The following RBFOX2 variants were observed in gnomAD, a reference collection of about 807,000 sequenced individuals.
RBFOX2 encodes the protein RNA binding fox-1 homolog 2, also known as RNA binding protein fox-1 homolog 2.
Under a neutral mutation model 49.1 loss-of-function variants are expected in RBFOX2, and 10 were observed. The observed-to-expected ratio is 0.20, with a 90% confidence interval of 0.13 to 0.35. The LOEUF is 0.35. Among genes scored for constraint, RBFOX2 ranks in the 10% least tolerant of loss-of-function variants. RBFOX2 has a pLI of 1.00. For synonymous variants in RBFOX2, 183 were observed against 187.4 expected, an observed-to-expected ratio of 0.98 and a Z score of 0.19; for missense variants, 323 against 486.9, an observed-to-expected ratio of 0.66 and a Z score of 3.17.
At chr22:35,854,391 C>T (rs1305717232) in intron 1 of RBFOX2, among the ~76,000 whole-genome samples, 2 of 151,938 alleles carry the variant, frequency 1.3e-5, no homozygotes, top group Non-Finnish European at 2.9e-5. Flanking sequence ...TTGAGACCAG[C>T]CTGGTCAACA....
intron 1 of RBFOX2, among the ~76,000 whole-genome samples, chr22:35,852,486 TAAAAAAAA>T (rs576605291): frequency 1.6e-5 from 2 of 128,982 alleles, no homozygotes; most frequent in Non-Finnish European, 3.4e-5. Flanking sequence ...CCTTTCTTTT[TAAAAAAAA>T]AAAAAAAAAA....
chr22:35,746,115 G>A, intron 10 of RBFOX2, 120 bp from the exon 13 acceptor site: 1 of 833,068 alleles, frequency 1.2e-6, no homozygotes, highest in South Asian at 1.8e-5. Flanking sequence ...TAAGGAAACT[G>A]GAATTACAAG....
rs962697249 is a variant in RBFOX2 at position 35,885,302 on chromosome 22, A to G, written c.-34+53545T>C. Among the ~76,000 whole-genome samples the G allele has an allele frequency of 3.9e-5, 6 of 152,328 alleles. 1 individual carries two copies. In the South Asian group the frequency reaches 1.2e-3, roughly 32 times the overall value. ...AGACCTTCAGTCCCACCTTGCCAAA[A>G]AAACCATGATGTTTTTTACCTAACT... On this transcript the variant is annotated intron_variant, in intron 1 of 13. Transcript: ENST00000359369.
intron 1 of RBFOX2, among the ~76,000 whole-genome samples, chr22:36,024,804 T>G (rs966469599): frequency 1.3e-5 from 2 of 151,998 alleles, no homozygotes; most frequent in Admixed American, 1.3e-4. Context: ...CTGGCTACGA[T>G]AAGATTTTTT....
intron 1 of RBFOX2, among the ~76,000 whole-genome samples, chr22:35,953,889 G>C (rs959769800): frequency 6.6e-6 from 1 of 152,068 alleles, no homozygotes; most frequent in Non-Finnish European, 1.5e-5. Flanking sequence ...ATGCAGTAGA[G>C]CATATACACA....
chr22:35,827,206 T>C (rs1036428690), intron 1 of RBFOX2, among the ~76,000 whole-genome samples: 3 of 152,232 alleles, frequency 2.0e-5, no homozygotes, highest in Non-Finnish European at 2.9e-5. Context: ...TCCACCAAGT[T>C]TGCAGCAGTG....
chr22:35,972,334 T>C lies in RBFOX2; in HGVS notation c.187-33437A>G, dbSNP rs374282075. Among the ~76,000 whole-genome samples the C allele has an allele frequency of 2.1e-4, 32 of 152,198 alleles. No homozygotes were observed. In the East Asian group the frequency reaches 4.3e-3, roughly 20 times the overall value. ...AGGAAAAAAAGAAACTCTGGCATAG[T>C]TCTCCTAGCATTCAAAAGGAAAAAT... On this transcript the variant is annotated intron_variant, in intron 1 of 13. Coordinates refer to the RBFOX2 transcript ENST00000438146.
chr22:35,993,639 T>G (rs2058068143), intron 1 of RBFOX2: 1 of 152,244 alleles, frequency 6.6e-6, no homozygotes, highest in East Asian at 1.9e-4. Flanking sequence ...AAGTGTTTGT[T>G]GTTTGAAGCC....
intron 1 of RBFOX2, among the ~76,000 whole-genome samples, chr22:35,933,638 CA>C (rs1280564923): frequency 6.6e-6 from 1 of 151,984 alleles, no homozygotes; most frequent in Non-Finnish European, 1.5e-5. Flanking sequence ...TAAGGAGATA[CA>C]AAATTGATGA....
intron 1 of RBFOX2, among the ~76,000 whole-genome samples, chr22:35,861,102 A>C (rs2043046473): frequency 6.6e-6 from 1 of 152,214 alleles, no homozygotes; most frequent in Non-Finnish European, 1.5e-5. Context: ...TCTTTTCAAC[A>C]AATGGTGCTG....
At chr22:35,915,171 C>T (rs566824244) in intron 1 of RBFOX2, among the ~76,000 whole-genome samples, 14 of 152,174 alleles carry the variant, frequency 9.2e-5, no homozygotes, top group Non-Finnish European at 1.9e-4. Flanking sequence ...TTAAGAGCAG[C>T]CCCATCCCCT....
chr22:36,010,614 G>A (rs2058781315), intron 1 of RBFOX2, among the ~76,000 whole-genome samples: 1 of 151,962 alleles, frequency 6.6e-6, no homozygotes, highest in South Asian at 2.1e-4. Context: ...ACTCCGAAAG[G>A]CACATTTTAT....
rs554403569 is a variant in RBFOX2 at position 35,771,338 on chromosome 22, T to C, written c.454-2989A>G. 8.5e-5 allele frequency among the ~76,000 whole-genome samples: 13 copies of C among 152,280 alleles called. No homozygotes were observed. In the South Asian group the frequency reaches 2.5e-3, roughly 29 times the overall value. On this transcript the variant is annotated intron_variant, in intron 4 of 11. Coordinates refer to ENST00000405409, the Ensembl canonical transcript of RBFOX2. The stretch of plus-strand genomic sequence containing the variant: ...AGCCTGAGAAAGACTTGACTGGCCA[T>C]TGCTGGCTCTGAAGACAGAAGGGAG...
At chr22:36,001,225 ACACACAC>A (rs1205528565) in intron 1 of RBFOX2, among the ~76,000 whole-genome samples, 3 of 119,740 alleles carry the variant, frequency 2.5e-5, no homozygotes, top group Non-Finnish European at 3.8e-5. Context: ...ACACACACAC[ACACACAC>A]ACTATATGTA....
rs141189457 is a variant in RBFOX2, at chr22:35,928,298, A to T, written c.-34+10549T>A. ...GTCTGTCTGCAGAGAAATTGCCACA[A>T]AACAGCTTTATATAGAAGCTACAGT... On this transcript the variant is annotated intron_variant, in intron 1 of 13. Transcript: ENST00000359369. Among the ~76,000 whole-genome samples, 67 of 152,270 alleles carry T rather than the reference A, an allele frequency of 4.4e-4. 1 individual carries two copies. The highest frequency in any genetic ancestry group is 3.9e-4 in the East Asian group (2 of 5,170).
chr22:35,912,413 G>A (rs768588321), intron 1 of RBFOX2, among the ~76,000 whole-genome samples: 2 of 152,228 alleles, frequency 1.3e-5, no homozygotes, highest in Middle Eastern at 3.4e-3. Flanking sequence ...TTTCCTCACC[G>A]CAAGAAAATT....
intron 1 of RBFOX2, among the ~76,000 whole-genome samples, chr22:35,971,800 T>C (rs912471648): frequency 8.6e-5 from 13 of 151,552 alleles, no homozygotes; most frequent in African/African-American, 3.2e-4. Context: ...TGAGGGGGCC[T>C]TCTTGGTCAG....
upstream of RBFOX2, among the ~76,000 whole-genome samples, chr22:35,939,830 T>C (rs375434396): frequency 1.3e-5 from 2 of 151,518 alleles, no homozygotes; most frequent in African/African-American, 2.4e-5. Flanking sequence ...CAAGCACTGT[T>C]AGTCGACTGA....
chr22:35,954,160 A>G (rs1259374058), intron 1 of RBFOX2, among the ~76,000 whole-genome samples: 4 of 152,102 alleles, frequency 2.6e-5, no homozygotes, highest in Non-Finnish European at 5.9e-5. Flanking sequence ...TATGAGTGAT[A>G]TATGTCTTTG....
Sources: gnomAD v4.1 joint callset for allele counts (sites outside exome capture counted in the v4.1 genomes callset) on GRCh38, gnomAD v4.1.1 for gene constraint, MANE v1.5 for transcripts, NCBI Gene and HGNC (gene_info 2026-07-23, HGNC 2026-07-21) for gene names.